PDE1C: variants seen among roughly 807,000 people sequenced by gnomAD.
PDE1C encodes dual specificity calcium/calmodulin-dependent 3',5'-cyclic nucleotide phosphodiesterase 1C.
PDE1C carries 62 observed loss-of-function variants against 93.1 expected under a neutral mutation model. That is an observed-to-expected ratio of 0.67 (90% CI 0.54 to 0.82). The LOEUF (loss-of-function observed/expected upper bound fraction) is 0.82, where lower values mean the gene tolerates loss of function less well. Among genes scored for constraint, PDE1C ranks in the 40% least tolerant of loss-of-function variants. PDE1C has a pLI of 0.00. For missense variants in PDE1C, 742 were observed against 884.6 expected, an observed-to-expected ratio of 0.84 and a Z score of 2.04; for synonymous variants, 325 against 310.1, an observed-to-expected ratio of 1.05 and a Z score of -0.50.
At chr7:32,207,000 A>T (rs991643830) in intron 2 of PDE1C, among the ~76,000 whole-genome samples, 2 of 152,050 alleles carry the variant, frequency 1.3e-5, no homozygotes, top group African/African-American at 2.4e-5. Flanking sequence ...TGACTTCCCC[A>T]TGTTACTGTA....
chr7:32,150,401 G>A (rs1267305745), intron 3 of PDE1C, among the ~76,000 whole-genome samples: 8 of 152,248 alleles, frequency 5.3e-5, no homozygotes, highest in Admixed American at 1.3e-4. Flanking sequence ...GCTCCCCTCT[G>A]GCCTATGAAG....
chr7:32,182,557 T>C (rs1803517578), intron 2 of PDE1C, among the ~76,000 whole-genome samples: 1 of 152,200 alleles, frequency 6.6e-6, no homozygotes, highest in Non-Finnish European at 1.5e-5. Context: ...ACCACATGGT[T>C]ATCTCAATAG....
intron 2 of PDE1C, among the ~76,000 whole-genome samples, chr7:32,002,222 G>T (rs973940998): frequency 1.3e-5 from 2 of 152,120 alleles, no homozygotes; most frequent in Admixed American, 6.5e-5. Flanking sequence ...TGACACTAAT[G>T]AAGTCACCCT....
the PDE1C span, among the ~76,000 whole-genome samples, chr7:31,670,141 G>A: frequency 6.6e-6 from 1 of 152,174 alleles, no homozygotes; most frequent in African/African-American, 2.4e-5. Context: ...TACAGGCTGA[G>A]TATCCCTTAT....
intron 2 of PDE1C, among the ~76,000 whole-genome samples, chr7:31,961,483 T>C (rs1014020162): frequency 6.6e-6 from 1 of 152,132 alleles, no homozygotes; most frequent in Non-Finnish European, 1.5e-5. Context: ...GTGTGTGAGA[T>C]ACACTCTCTC....
chr7:31,770,382 A>G (rs1795406520), intron 17 of PDE1C, among the ~76,000 whole-genome samples: 1 of 152,196 alleles, frequency 6.6e-6, no homozygotes, highest in South Asian at 2.1e-4. Context: ...CCAAAGCACA[A>G]AAGTTTTTTA....
intron 3 of PDE1C, among the ~76,000 whole-genome samples, chr7:32,165,207 T>C (rs1006989313): frequency 3.3e-5 from 5 of 152,200 alleles, no homozygotes; most frequent in African/African-American, 9.6e-5. Context: ...TTCAAGGGCA[T>C]GTAAGGATTC....
At chr7:32,289,776 C>A (rs1250886020) in intron 1 of PDE1C, among the ~76,000 whole-genome samples, 1 of 152,174 alleles carries the variant, frequency 6.6e-6, no homozygotes, top group African/African-American at 2.4e-5. Context: ...CTAGTCCATG[C>A]AAGTCCAGAA....
At chr7:31,664,199 A>T in the PDE1C span, among the ~76,000 whole-genome samples, 10 of 152,156 alleles carry the variant, frequency 6.6e-5, no homozygotes, top group African/African-American at 1.9e-4. Flanking sequence ...AGACATTCCA[A>T]TTACAGGTGA....
chr7:31,818,805 C>T (rs1788593107), intron 14 of PDE1C, among the ~76,000 whole-genome samples: 1 of 151,988 alleles, frequency 6.6e-6, no homozygotes, highest in Non-Finnish European at 1.5e-5. Context: ...GAATCCATGG[C>T]AAATTTTCAA....
At chr7:32,008,725 A>C (rs1786620040) in intron 2 of PDE1C, among the ~76,000 whole-genome samples, 1 of 152,202 alleles carries the variant, frequency 6.6e-6, no homozygotes, top group Admixed American at 6.5e-5. Context: ...GCACATCTGC[A>C]CTGTTAGTGA....
intron 12 of PDE1C, among the ~76,000 whole-genome samples, chr7:31,825,642 G>A (rs1432250612): frequency 6.6e-6 from 1 of 152,158 alleles, no homozygotes; most frequent in Non-Finnish European, 1.5e-5. Flanking sequence ...GAAGAAAGCA[G>A]GAAGGGAGAA....
At chr7:31,878,191 A>T (rs1476674332) in intron 4 of PDE1C, among the ~76,000 whole-genome samples, 155 bp from the exon 5 acceptor site, 3 of 152,228 alleles carry the variant, frequency 2.0e-5, no homozygotes, top group Admixed American at 1.3e-4. Flanking sequence ...ATATTCACTC[A>T]GGTGGTCTAA....
At chr7:32,083,721 T>C (rs887859317) in intron 3 of PDE1C, among the ~76,000 whole-genome samples, 86 of 152,138 alleles carry the variant, frequency 5.7e-4, no homozygotes, top group South Asian at 3.5e-3. Context: ...AAAATAATTT[T>C]CAACCCAGAA....
intron 2 of PDE1C, among the ~76,000 whole-genome samples, chr7:31,940,307 C>A (rs1280516026): frequency 6.6e-6 from 1 of 152,124 alleles, no homozygotes; most frequent in Non-Finnish European, 1.5e-5. Context: ...CTGACATACT[C>A]TCAGGTGCTC....
chr7:32,273,742 T>C (rs1272108233), intron 1 of PDE1C, among the ~76,000 whole-genome samples: 1 of 152,222 alleles, frequency 6.6e-6, no homozygotes, highest in Non-Finnish European at 1.5e-5. Flanking sequence ...GTCAGCATGA[T>C]GCCAACTGAC....
chr7:31,707,445 C>G, the PDE1C span: 1 of 590,806 alleles, frequency 1.7e-6, no homozygotes, highest in Non-Finnish European at 3.0e-6. Context: ...TGCCAGTCAC[C>G]TCTTTGTCTC....
At chr7:32,024,047 T>C (rs1256343756) in intron 2 of PDE1C, among the ~76,000 whole-genome samples, 1 of 152,162 alleles carries the variant, frequency 6.6e-6, no homozygotes, top group Admixed American at 6.6e-5. Context: ...TGAGCCTCTA[T>C]GCATCTATCA....
intron 1 of PDE1C, among the ~76,000 whole-genome samples, chr7:32,404,974 A>G (rs77742644): frequency 8.5e-5 from 13 of 152,234 alleles, no homozygotes; most frequent in African/African-American, 2.9e-4. Context: ...TTACAGGTTT[A>G]TAATTTTAGA....
Sources: gnomAD v4.1 joint callset for allele counts (sites outside exome capture counted in the v4.1 genomes callset) on GRCh38, gnomAD v4.1.1 for gene constraint, MANE v1.5 for transcripts, NCBI Gene and HGNC (gene_info 2026-07-23, HGNC 2026-07-21) for gene names.